The following GRIK4 variants were observed in gnomAD, a reference collection of about 807,000 sequenced individuals.
GRIK4 encodes glutamate ionotropic receptor kainate type subunit 4.
In GRIK4, 40 loss-of-function variants were observed where a neutral mutation model predicts 104.9. That is an observed-to-expected ratio of 0.38 (90% confidence interval 0.30 to 0.50). GRIK4 has a LOEUF of 0.50. GRIK4 is among the 20% of genes least tolerant of loss of function. GRIK4 has a pLI of 0.93. For synonymous variants in GRIK4, 485 were observed against 524.9 expected (o/e 0.92, Z 1.04); for missense variants, 1,047 against 1,308.1 (o/e 0.80, Z 3.08).
At chr11:120,898,497 C>T in intron 11 of GRIK4, 35 bp from the exon 12 acceptor site, 1 of 1,226,752 alleles carries the variant, frequency 8.2e-7, no homozygotes, top group Non-Finnish European at 1.2e-6. Flanking sequence ...TGGAGGCCAC[C>T]ATTTCTTCCC....
intron 1 of GRIK4, among the ~76,000 whole-genome samples, chr11:120,558,634 G>A (rs529811631): frequency 6.6e-6 from 1 of 152,328 alleles, no homozygotes; most frequent in East Asian, 1.9e-4. Flanking sequence ...CCTCACAGAT[G>A]TGTTCAGTTC....
intron 3 of GRIK4, among the ~76,000 whole-genome samples, chr11:120,665,210 A>C (rs186858895): frequency 6.6e-6 from 1 of 152,126 alleles, no homozygotes; most frequent in Non-Finnish European, 1.5e-5. Flanking sequence ...ATTCAAATAT[A>C]CCAGCTGAAT....
intron 13 of GRIK4, among the ~76,000 whole-genome samples, chr11:120,911,569 C>T (rs187228265): frequency 6.4e-5 from 9 of 141,186 alleles, no homozygotes; most frequent in Non-Finnish European, 1.4e-4. Context: ...AGGCTGGGTA[C>T]GGTGGCTCAC....
intron 1 of GRIK4, among the ~76,000 whole-genome samples, chr11:120,544,012 A>G (rs1948062061): frequency 6.6e-6 from 1 of 152,242 alleles, no homozygotes; most frequent in Non-Finnish European, 1.5e-5. Flanking sequence ...CAGAGGGCAC[A>G]AAGCTTCAGC....
intron 1 of GRIK4, among the ~76,000 whole-genome samples, chr11:120,553,021 A>G (rs1445199579): frequency 6.6e-6 from 1 of 152,092 alleles, no homozygotes; most frequent in Non-Finnish European, 1.5e-5. Context: ...AAAAAAAAAA[A>G]AAGAAGGGAG....
intron 1 of GRIK4, among the ~76,000 whole-genome samples, chr11:120,613,693 A>G (rs1181412288): frequency 1.3e-5 from 2 of 152,178 alleles, no homozygotes; most frequent in African/African-American, 4.8e-5. Context: ...CTGTGATTCT[A>G]TCCTTGATTG....
chr11:120,533,809 A>G (rs977849154), intron 1 of GRIK4, among the ~76,000 whole-genome samples: 1 of 152,216 alleles, frequency 6.6e-6, no homozygotes, highest in African/African-American at 2.4e-5. Context: ...TCCAGGAGGC[A>G]GAGGTTGCAA....
chr11:120,742,520 A>AT (rs566223500), intron 3 of GRIK4, among the ~76,000 whole-genome samples: 7,193 of 95,812 alleles, frequency 0.075, 199 homozygotes, highest in South Asian at 0.18. Context: ...TATTATTATT[A>AT]TTATTATTTT....
chr11:120,827,897 G>A (rs1459058953), intron 6 of GRIK4, among the ~76,000 whole-genome samples: 1 of 152,174 alleles, frequency 6.6e-6, no homozygotes, highest in Non-Finnish European at 1.5e-5. Flanking sequence ...GCATCATAAA[G>A]GAAGAGTTAT....
At chr11:120,959,450 G>A (rs904308042) in intron 16 of GRIK4, among the ~76,000 whole-genome samples, 69 of 152,230 alleles carry the variant, frequency 4.5e-4, no homozygotes, top group African/African-American at 1.4e-3. Flanking sequence ...AGTTCTGTGT[G>A]TTAATCACTA....
At chr11:120,927,924 GAAGGC>G (rs1943388717) in intron 13 of GRIK4, among the ~76,000 whole-genome samples, 1 of 152,008 alleles carries the variant, frequency 6.6e-6, no homozygotes, top group Non-Finnish European at 1.5e-5. Context: ...AAAATATTAA[GAAGGC>G]AGGCCAGGCA....
In GRIK4 at chr11:120,787,176, C is replaced by T. The variant is rs947113727; in HGVS notation, c.83-15517C>T. ...TTTTTTAACAACAACAAAAAAAATACGAAAATTAGCCAGTCATGGTGGTGC... is the reference window on the plus strand; with the variant it reads ...TTTTTTAACAACAACAAAAAAAATATGAAAATTAGCCAGTCATGGTGGTGC... On this transcript the variant is annotated intron_variant, in intron 3 of 20. Transcript: ENST00000527524. Among the ~76,000 whole-genome samples, 27 of 151,026 alleles carry T rather than the reference C, an allele frequency of 1.8e-4. 1 individual carries two copies. The highest frequency in any genetic ancestry group is 6.3e-4 in the African/African-American group (26 of 41,142).
At chr11:120,760,912 T>C (rs1951738103) in intron 3 of GRIK4, among the ~76,000 whole-genome samples, 1 of 152,170 alleles carries the variant, frequency 6.6e-6, no homozygotes, top group South Asian at 2.1e-4. Flanking sequence ...TAAACATATG[T>C]GTGCACGTAT....
chr11:120,571,332 C>T (rs922719893), intron 1 of GRIK4, among the ~76,000 whole-genome samples: 2 of 152,224 alleles, frequency 1.3e-5, no homozygotes, highest in South Asian at 2.1e-4. Flanking sequence ...CATGCCGCTG[C>T]ACACCCTGCA....
At chr11:120,771,685 A>G (rs1413810747) in intron 3 of GRIK4, among the ~76,000 whole-genome samples, 2 of 152,224 alleles carry the variant, frequency 1.3e-5, no homozygotes, top group Non-Finnish European at 2.9e-5. Flanking sequence ...TCCAGGACCT[A>G]TTATACAAGA....
intron 8 of GRIK4, among the ~76,000 whole-genome samples, chr11:120,842,277 A>G (rs1426788855): frequency 6.6e-6 from 1 of 152,212 alleles, no homozygotes; most frequent in African/African-American, 2.4e-5. Flanking sequence ...TAGTTTATAA[A>G]TGTGTCCTCT....
intron 1 of GRIK4, among the ~76,000 whole-genome samples, chr11:120,604,075 G>T (rs558628559): frequency 6.6e-6 from 1 of 150,996 alleles, no homozygotes; most frequent in South Asian, 2.1e-4. Flanking sequence ...GGGAGGCTGA[G>T]GCAGGAGAAT....
intron 19 of GRIK4, among the ~76,000 whole-genome samples, chr11:120,971,096 A>G (rs1944467463): frequency 6.6e-6 from 1 of 152,206 alleles, no homozygotes; most frequent in Admixed American, 6.5e-5. Context: ...TTATTCCAAA[A>G]TCTAGGCCTG....
chr11:120,744,546 G>A (rs145480377), intron 3 of GRIK4, among the ~76,000 whole-genome samples: 12 of 152,298 alleles, frequency 7.9e-5, no homozygotes, highest in Admixed American at 3.3e-4. Context: ...GGGGGCAGTC[G>A]TGGTGTCCCA....
Sources: gnomAD v4.1 joint callset for allele counts (sites outside exome capture counted in the v4.1 genomes callset) on GRCh38, gnomAD v4.1.1 for gene constraint, MANE v1.5 for transcripts, NCBI Gene and HGNC (gene_info 2026-07-23, HGNC 2026-07-21) for gene names.